The following PLCE1 variants were observed in gnomAD, a reference collection of about 807,000 sequenced individuals.
PLCE1 encodes phospholipase C epsilon 1.
A neutral mutation model predicts 242.8 loss-of-function variants in PLCE1; 119 were observed. The observed-to-expected ratio is 0.49, with a 90% CI of 0.42 to 0.57. The LOEUF is 0.57. Among genes scored for constraint, PLCE1 ranks in the 20% least tolerant of loss-of-function variants. The pLI is 0.00. For missense variants in PLCE1, 2,441 were observed against 2,788.8 expected (o/e 0.88, Z 2.81); for synonymous variants, 945 against 1,017.4 (o/e 0.93, Z 1.35).
At chr10:94,189,840 A>G (rs974623676) in intron 4 of PLCE1, among the ~76,000 whole-genome samples, 11 of 152,232 alleles carry the variant, frequency 7.2e-5, no homozygotes, top group African/African-American at 2.7e-4. Flanking sequence ...AAGACCAGCC[A>G]AAGAGGTCAA....
At chr10:94,309,084 G>A (rs931952625) in intron 27 of PLCE1, among the ~76,000 whole-genome samples, 2 of 152,220 alleles carry the variant, frequency 1.3e-5, no homozygotes, top group Non-Finnish European at 2.9e-5. Flanking sequence ...CTTATTATGC[G>A]AAGCCTAGTA....
intron 4 of PLCE1, among the ~76,000 whole-genome samples, chr10:94,222,893 G>T (rs2049802675): frequency 6.6e-6 from 1 of 152,188 alleles, no homozygotes; most frequent in Admixed American, 6.5e-5. Context: ...GGGAATTTGG[G>T]AAGCGTGGGT....
chr10:94,261,756 T>C (rs2051305139), intron 13 of PLCE1, among the ~76,000 whole-genome samples: 1 of 152,202 alleles, frequency 6.6e-6, no homozygotes, highest in South Asian at 2.1e-4. Context: ...CAGTACTTGG[T>C]ATTTACCCAA....
chr10:94,145,629 C>A (rs939754628), intron 3 of PLCE1, among the ~76,000 whole-genome samples: 1 of 152,126 alleles, frequency 6.6e-6, no homozygotes, highest in African/African-American at 2.4e-5. Context: ...TCCATACTAA[C>A]CCCCACAAGA....
intron 1 of PLCE1, among the ~76,000 whole-genome samples, chr10:94,023,208 T>G (rs938787588): frequency 6.6e-6 from 1 of 152,040 alleles, no homozygotes; most frequent in Non-Finnish European, 1.5e-5. Context: ...GGAAGGGAAA[T>G]GCACAGAGGC....
intron 2 of PLCE1, among the ~76,000 whole-genome samples, chr10:94,053,915 T>C (rs955993685): frequency 6.6e-6 from 1 of 152,232 alleles, no homozygotes; most frequent in African/African-American, 2.4e-5. Flanking sequence ...ATATTTTGAA[T>C]TATTAAAAAG....
chr10:94,281,786 A>G (rs1279632734), intron 20 of PLCE1, among the ~76,000 whole-genome samples: 1 of 152,070 alleles, frequency 6.6e-6, no homozygotes, highest in Non-Finnish European at 1.5e-5. Flanking sequence ...CTCTGACTGG[A>G]TGATTCTCAA....
intron 2 of PLCE1, among the ~76,000 whole-genome samples, chr10:94,071,007 CCAA>C (rs2044335428): frequency 6.6e-6 from 1 of 152,172 alleles, no homozygotes; most frequent in African/African-American, 2.4e-5. Context: ...CTTAATCTTG[CCAA>C]CAAATCTGGG....
chr10:94,248,327 T>C (rs552063151), intron 8 of PLCE1, among the ~76,000 whole-genome samples: 2 of 152,182 alleles, frequency 1.3e-5, no homozygotes. Context: ...CCTGACTGTG[T>C]GTGGCGGCTT....
intron 7 of PLCE1, among the ~76,000 whole-genome samples, chr10:94,240,953 C>A (rs1157083313): frequency 6.6e-6 from 1 of 152,138 alleles, no homozygotes; most frequent in Admixed American, 6.5e-5. Flanking sequence ...TTCTTGTAAA[C>A]CCACAGGAAA....
At chr10:94,205,168 A>G (rs549734510) in intron 4 of PLCE1, among the ~76,000 whole-genome samples, 1 of 152,290 alleles carries the variant, frequency 6.6e-6, no homozygotes, top group Non-Finnish European at 1.5e-5. Context: ...TTTAATATGC[A>G]AAAGTAATCT....
Position 94,234,039 on chromosome 10 carries a change from A to G in PLCE1, c.1956-15A>G, listed in dbSNP as rs1468317064. On this transcript the variant is annotated splice_polypyrimidine_tract_variant and intron_variant, in intron 5 of 32. Coordinates refer to ENST00000371380, the MANE Select transcript of PLCE1 (RefSeq NM_016341.4). Reference sequence around the variant, plus strand: ...TTTCTCCTTCAGTCTGAAAAATGTCATTTACTTGCAATAGGTCAAGAAAAG... The same window carrying G: ...TTTCTCCTTCAGTCTGAAAAATGTCGTTTACTTGCAATAGGTCAAGAAAAG... 2 of 1,608,512 alleles carry G rather than the reference A, an allele frequency of 1.2e-6. No individual in the cohort carries two copies. The highest frequency in any genetic ancestry group is 4.5e-5 in the East Asian group (2 of 44,776).
intron 3 of PLCE1, 50 bp downstream of exon 3, chr10:94,132,509 G>A (rs1158043696): frequency 6.5e-7 from 1 of 1,545,698 alleles, no homozygotes; most frequent in Non-Finnish European, 8.9e-7. Context: ...CTACAGAGAA[G>A]GATCTAAGTT....
intron 1 of PLCE1, among the ~76,000 whole-genome samples, chr10:94,008,498 A>G (rs369041861): frequency 6.6e-6 from 1 of 152,064 alleles, no homozygotes; most frequent in Non-Finnish European, 1.5e-5. Flanking sequence ...TAATAAAGAC[A>G]GCGTTTCACT....
At position 94,273,552 on chromosome 10, in the gene PLCE1, T is replaced by A. The variant is rs771160105; in HGVS notation, c.4507-10T>A. 3.7e-6 allele frequency: 6 copies of A among 1,611,940 alleles called. No homozygotes were observed. Among genetic ancestry groups the A allele is most frequent in the Non-Finnish European group, 4.2e-6 (5 of 1,178,086 alleles). ...GGCATTGATTGTATGTTTTCCTTCA[T>A]TCTTTTTAGACTGTGTTTGGAGAAA... On this transcript the variant is annotated splice_polypyrimidine_tract_variant and intron_variant, in intron 18 of 32. Coordinates refer to ENST00000371380, the MANE Select transcript of PLCE1 (RefSeq NM_016341.4).
chr10:94,101,206 CCT>C (rs2135489661), intron 2 of PLCE1, among the ~76,000 whole-genome samples: 1 of 152,292 alleles, frequency 6.6e-6, no homozygotes, highest in East Asian at 1.9e-4. Flanking sequence ...GCACCTCACC[CCT>C]GTGTGCACAG....
intron 2 of PLCE1, chr10:94,087,991 C>T (rs1390746945): frequency 6.6e-6 from 1 of 152,250 alleles, no homozygotes; most frequent in Non-Finnish European, 1.5e-5. Context: ...ATGCTTTGCA[C>T]ACCCTTTTGC....
intron 3 of PLCE1, among the ~76,000 whole-genome samples, chr10:94,141,768 C>G (rs1471761537): frequency 2.0e-5 from 3 of 152,002 alleles, no homozygotes; most frequent in African/African-American, 7.2e-5. Flanking sequence ...AAATCCTAAT[C>G]AATGCAGTCA....
Position 94,284,985 on chromosome 10 carries a change from T to A in PLCE1, c.5035+20T>A. On this transcript the variant is annotated intron_variant, in intron 22 of 32. Transcript: ENST00000371380. ...TTCCAGGTAAGATTAGGCAATATCA[T>A]CTATAACTTTTAAAGATATCAAAGG... 7.8e-7 allele frequency: 1 copy of A among 1,286,054 alleles called. No individual in the cohort carries two copies. Among genetic ancestry groups the A allele is most frequent in the Non-Finnish European group, 1.1e-6 (1 of 880,604 alleles). 79.7% of individuals were successfully genotyped at this position (1,286,054 alleles called of 1,614,324 possible).
Sources: gnomAD v4.1 joint callset for allele counts (sites outside exome capture counted in the v4.1 genomes callset) on GRCh38, gnomAD v4.1.1 for gene constraint, MANE v1.5 for transcripts, NCBI Gene and HGNC (gene_info 2026-07-23, HGNC 2026-07-21) for gene names.